The following SLK variants were observed in gnomAD, a reference collection of about 807,000 sequenced individuals.
SLK encodes STE20 like kinase.
In SLK, 67 loss-of-function variants were observed where a neutral mutation model predicts 147.7. The observed-to-expected ratio is 0.45, with a 90% CI of 0.37 to 0.56. The LOEUF (loss-of-function observed/expected upper bound fraction) is 0.56. SLK is among the 20% of genes least tolerant of loss of function. The probability of loss-of-function intolerance (pLI) is 0.00; values close to 1 mark genes in which losing one functional copy is unlikely to be tolerated. For missense variants in SLK, 1,136 were observed against 1,438.8 expected, an observed-to-expected ratio of 0.79 and a Z score of 3.41; for synonymous variants, 441 against 475.0, an observed-to-expected ratio of 0.93 and a Z score of 0.93.
At chr10:104,020,377 C>G (rs2296217) in intron 16 of SLK, 111 bp from the exon 17 acceptor site, 16,504 of 1,033,890 alleles carry the variant, frequency 0.016, 246 homozygotes, top group South Asian at 0.057. Context: ...CATATTATTA[C>G]TTGTAGCTTC....
chr10:104,010,292 T>A (rs538115791), intron 12 of SLK, among the ~76,000 whole-genome samples: 1 of 152,350 alleles, frequency 6.6e-6, no homozygotes, highest in East Asian at 1.9e-4. Context: ...CATTTATTTC[T>A]CCTTTGTGTA....
chr10:104,016,914 T>C (rs1251993409), intron 13 of SLK, among the ~76,000 whole-genome samples: 5 of 152,230 alleles, frequency 3.3e-5, no homozygotes, highest in African/African-American at 1.2e-4. Context: ...TCTGCTTCAA[T>C]TTTAAATTCT....
Position 104,006,107 on chromosome 10 carries a change from C to A in SLK, c.2604+72C>A. 6 of 1,442,072 alleles carry A rather than the reference C, an allele frequency of 4.2e-6. No individual in the cohort carries two copies. The Admixed American group carries it at 7.0e-5, about 17-fold the overall frequency. 89.3% of individuals were successfully genotyped at this position (1,442,072 alleles called of 1,614,324 possible). The stretch of plus-strand genomic sequence containing the variant: ...TGACATTTACTGCATTAAAAACAGA[C>A]AAACAAAAAAGGTTGTAGAACTTGT... On this transcript the variant is annotated intron_variant, in intron 11 of 18. Coordinates refer to ENST00000369755, the MANE Select transcript of SLK (RefSeq NM_014720.4).
intron 13 of SLK, among the ~76,000 whole-genome samples, chr10:104,015,379 G>C (rs1355826981): frequency 1.3e-5 from 2 of 152,120 alleles, no homozygotes; most frequent in African/African-American, 4.8e-5. Flanking sequence ...TACCCTTTAG[G>C]AGTTAGCTGC....
At chr10:103,987,414 A>T (rs1198180248) in intron 1 of SLK, among the ~76,000 whole-genome samples, 1 of 152,186 alleles carries the variant, frequency 6.6e-6, no homozygotes, top group Non-Finnish European at 1.5e-5. Flanking sequence ...GTACTGCATG[A>T]TTTAAGCAGG....
chr10:104,024,285 C>A (rs1844570562), intron 18 of SLK, among the ~76,000 whole-genome samples: 1 of 152,188 alleles, frequency 6.6e-6, no homozygotes, highest in Non-Finnish European at 1.5e-5. Context: ...TTCCTTTCTT[C>A]CCACTCGCCT....
At position 104,026,451 on chromosome 10, in the gene SLK, T is replaced by G. The variant is rs1391499304; in HGVS notation, c.*731T>G. ...ACATGGTTGTTTTGGAATTTTTGCTTCTCTTACCGTTTGATAGAAATTTTC... is the reference window on the plus strand; with the variant it reads ...ACATGGTTGTTTTGGAATTTTTGCTGCTCTTACCGTTTGATAGAAATTTTC... On this transcript the variant is annotated 3_prime_UTR_variant, in exon 19 of 19. Transcript: ENST00000369755. 2 of 152,580 alleles carry G rather than the reference T, an allele frequency of 1.3e-5. No homozygotes were observed. The highest frequency in any genetic ancestry group is 2.9e-5 in the Non-Finnish European group (2 of 68,044). The allele number at this position is 152,580 out of a possible 1,614,324, so 9.5% of individuals were successfully genotyped here.
rs1298819717 is a variant in SLK at position 104,002,130 on chromosome 10, A to C, written c.994-42A>C. On this transcript the variant is annotated intron_variant, in intron 8 of 18. Coordinates refer to ENST00000369755, the MANE Select transcript of SLK (RefSeq NM_014720.4). The stretch of plus-strand genomic sequence containing the variant: ...TGTAAACATTGTTTTGGTCACTCTA[A>C]GGTCATGTTTTAACACTAAAAATAC... 3 of 1,491,776 alleles carry C rather than the reference A, an allele frequency of 2.0e-6. No individual in the cohort carries two copies. The South Asian group carries it at 4.0e-5, about 20-fold the overall frequency. 92.4% of individuals were successfully genotyped at this position (1,491,776 alleles called of 1,614,324 possible). A position where few individuals can be genotyped will look rare whatever the true frequency, so the allele number is the denominator to read the frequency against.
At chr10:103,972,630 C>T (rs553103725) in intron 1 of SLK, among the ~76,000 whole-genome samples, 166 of 151,406 alleles carry the variant, frequency 1.1e-3, no homozygotes, top group Non-Finnish European at 1.6e-3. Flanking sequence ...CGGGATCGCA[C>T]CACTGCACTC....
At chr10:103,986,556 C>T (rs1564652981) in intron 1 of SLK, among the ~76,000 whole-genome samples, 1 of 152,008 alleles carries the variant, frequency 6.6e-6, no homozygotes, top group Non-Finnish European at 1.5e-5. Context: ...GCCTGCTGCT[C>T]ATCTCCTGCT....
intron 4 of SLK, among the ~76,000 whole-genome samples, chr10:103,997,669 C>T (rs1844193196): frequency 6.6e-6 from 1 of 151,804 alleles, no homozygotes; most frequent in Non-Finnish European, 1.5e-5. Context: ...CTCTTGCTTT[C>T]CCTAGTTTAG....
intron 18 of SLK, among the ~76,000 whole-genome samples, chr10:104,023,642 C>T (rs1844562796): frequency 6.6e-6 from 1 of 152,178 alleles, no homozygotes; most frequent in African/African-American, 2.4e-5. Context: ...CTCATTTCAC[C>T]TAGGCCTTGT....
chr10:103,998,211 G>A (rs1844200560), intron 4 of SLK, among the ~76,000 whole-genome samples: 1 of 152,128 alleles, frequency 6.6e-6, no homozygotes, highest in Non-Finnish European at 1.5e-5. Context: ...GTAGGCATGA[G>A]CATCAAATAC....
rs779960031 is a variant in SLK at position 104,006,053 on chromosome 10, T to C, written c.2604+18T>C. 1.3e-5 allele frequency: 21 copies of C among 1,602,824 alleles called. No individual in the cohort carries two copies. The South Asian group carries it at 1.5e-4, about 11-fold the overall frequency. ...AAATGATGGTAAAGTCTGATTGTTA[T>C]ACCATTTTATATCATTTTGTGTTAA... is the stretch of plus-strand genomic sequence containing the variant. On this transcript the variant is annotated intron_variant, in intron 11 of 18. Transcript: ENST00000369755.
intron 16 of SLK, among the ~76,000 whole-genome samples, 177 bp downstream of exon 16, chr10:104,020,099 C>G (rs1844515534): frequency 6.6e-6 from 1 of 152,196 alleles, no homozygotes; most frequent in Admixed American, 6.5e-5. Context: ...TAGTCTTCCC[C>G]AGGATGGTGG....
At chr10:104,020,431 A>T in intron 16 of SLK, 57 bp from the exon 17 acceptor site, 1 of 1,504,722 alleles carries the variant, frequency 6.6e-7, no homozygotes, top group Non-Finnish European at 9.0e-7. Context: ...ATATCTTCAG[A>T]ATATATAGAA....
At chr10:104,004,748 A>C (rs1844301654) in intron 9 of SLK, among the ~76,000 whole-genome samples, 1 of 152,202 alleles carries the variant, frequency 6.6e-6, no homozygotes, top group Non-Finnish European at 1.5e-5. Flanking sequence ...ATCAACACCC[A>C]GTAAGTATCT....
At position 104,012,683 on chromosome 10, in the gene SLK, T is replaced by G. The variant is rs371276725; in HGVS notation, c.2877+1775T>G. Among the ~76,000 whole-genome samples the G allele has an allele frequency of 3.0e-4, 45 of 152,332 alleles. 1 individual carries two copies. Among genetic ancestry groups the G allele is most frequent in the African/African-American group, 8.7e-4 (36 of 41,580 alleles). ...TTGGGTACATGTTTCACACACTGATTCGCTGCACCATGCTGCCTCTCATAT... is the reference window on the plus strand; with the variant it reads ...TTGGGTACATGTTTCACACACTGATGCGCTGCACCATGCTGCCTCTCATAT... On this transcript the variant is annotated intron_variant, in intron 13 of 18. Coordinates refer to ENST00000369755, the MANE Select transcript of SLK (RefSeq NM_014720.4).
chr10:104,018,077 C>T (rs1844486560), intron 13 of SLK, 83 bp from the exon 14 acceptor site: 1 of 1,139,588 alleles, frequency 8.8e-7, no homozygotes, highest in African/African-American at 1.6e-5. Context: ...ATCTTGTTAA[C>T]CACTAATATA....
Sources: gnomAD v4.1 joint callset for allele counts (sites outside exome capture counted in the v4.1 genomes callset) on GRCh38, gnomAD v4.1.1 for gene constraint, MANE v1.5 for transcripts, NCBI Gene and HGNC (gene_info 2026-07-23, HGNC 2026-07-21) for gene names.